ATP10B: variants seen among roughly 807,000 people sequenced by gnomAD.
The protein encoded by ATP10B is ATPase phospholipid transporting 10B (putative).
Under a neutral mutation model 141.2 loss-of-function variants are expected in ATP10B, and 122 were observed. The ratio of observed to expected loss-of-function variants is 0.86; its 90% CI spans 0.75 to 1.00. ATP10B has a LOEUF of 1.00. Among genes scored for constraint, ATP10B ranks in the 50% least tolerant of loss-of-function variants. ATP10B has a pLI of 0.00. For synonymous variants in ATP10B, 685 were observed against 692.0 expected, an observed-to-expected ratio of 0.99 and a Z score of 0.16; for missense variants, 1,876 against 1,825.3, an observed-to-expected ratio of 1.03 and a Z score of -0.51.
chr5:160,781,902 T>G (rs1368072412), intron 2 of ATP10B, among the ~76,000 whole-genome samples: 3 of 152,192 alleles, frequency 2.0e-5, no homozygotes, highest in Admixed American at 2.0e-4. Context: ...GATGGTCCAT[T>G]TACTACAACC....
At chr5:160,576,508 C>A (rs531335442) in intron 24 of ATP10B, among the ~76,000 whole-genome samples, 1 of 152,122 alleles carries the variant, frequency 6.6e-6, no homozygotes, top group Non-Finnish European at 1.5e-5. Flanking sequence ...GAGCTGGAAG[C>A]AGCATAGTGC....
chr5:160,841,400 C>A (rs1271073355), intron 1 of ATP10B, among the ~76,000 whole-genome samples: 1 of 151,940 alleles, frequency 6.6e-6, no homozygotes, highest in Non-Finnish European at 1.5e-5. Flanking sequence ...AAAGAGAAAC[C>A]CAGGAAGTCA....
At chr5:160,676,321 C>T (rs1283319172) in intron 6 of ATP10B, among the ~76,000 whole-genome samples, 2 of 152,162 alleles carry the variant, frequency 1.3e-5, no homozygotes, top group African/African-American at 2.4e-5. Flanking sequence ...CCATGGGTTA[C>T]GATTCTTCAG....
intron 2 of ATP10B, among the ~76,000 whole-genome samples, chr5:160,724,205 T>C (rs1358933290): frequency 1.3e-5 from 2 of 151,130 alleles, no homozygotes; most frequent in Non-Finnish European, 2.9e-5. Flanking sequence ...AAATAATCTG[T>C]ACCATGAACC....
intron 2 of ATP10B, among the ~76,000 whole-genome samples, chr5:160,733,124 A>T (rs1766854171): frequency 6.6e-6 from 1 of 152,174 alleles, no homozygotes; most frequent in Admixed American, 6.5e-5. Context: ...ATCTTCTGAA[A>T]TTTCTTTCAA....
chr5:160,828,375 C>T (rs1470278424), intron 1 of ATP10B, among the ~76,000 whole-genome samples: 2 of 151,976 alleles, frequency 1.3e-5, no homozygotes, highest in African/African-American at 4.8e-5. Context: ...ATAAAAACAA[C>T]CCCATCAAAA....
At chr5:160,614,695 G>C (rs1449209097) in intron 17 of ATP10B, 1 of 152,336 alleles carries the variant, frequency 6.6e-6, no homozygotes, top group African/African-American at 2.4e-5. Flanking sequence ...TCCTCAGCTT[G>C]TCAGCCATCC....
At chr5:160,746,768 C>T (rs1767833693) in intron 2 of ATP10B, among the ~76,000 whole-genome samples, 2 of 152,084 alleles carry the variant, frequency 1.3e-5, no homozygotes, top group African/African-American at 4.8e-5. Flanking sequence ...GCATCCTATA[C>T]CTCTGAATAT....
chr5:160,571,413 CT>C (rs1267425664), intron 24 of ATP10B, among the ~76,000 whole-genome samples: 2 of 152,036 alleles, frequency 1.3e-5, no homozygotes, highest in African/African-American at 4.8e-5. Context: ...TGCTAGGTTG[CT>C]TTATATAGTT....
At chr5:160,628,960 T>G (rs1176199600) in intron 13 of ATP10B, among the ~76,000 whole-genome samples, 1 of 152,070 alleles carries the variant, frequency 6.6e-6, no homozygotes, top group Non-Finnish European at 1.5e-5. Context: ...AAAAAACAGC[T>G]TTTGTTGTTG....
upstream of ATP10B, among the ~76,000 whole-genome samples, chr5:160,853,279 T>C (rs188296959): frequency 2.0e-3 from 308 of 152,192 alleles, 2 homozygotes; most frequent in African/African-American, 5.9e-3. Context: ...TTTACTTCCC[T>C]TCACTCAGAG....
At chr5:160,682,024 T>C (rs1023172325) in intron 6 of ATP10B, among the ~76,000 whole-genome samples, 1 of 152,358 alleles carries the variant, frequency 6.6e-6, no homozygotes, top group African/African-American at 2.4e-5. Flanking sequence ...CCAACTGTCA[T>C]TGGCCATTTA....
chr5:160,783,387 A>G (rs1167004856), intron 2 of ATP10B, among the ~76,000 whole-genome samples: 1 of 141,350 alleles, frequency 7.1e-6, no homozygotes, highest in Non-Finnish European at 1.5e-5. Context: ...CATCATATAT[A>G]TATATATGTG....
chr5:160,790,778 C>T (rs1449858270), intron 1 of ATP10B, among the ~76,000 whole-genome samples: 3 of 152,126 alleles, frequency 2.0e-5, no homozygotes, highest in Non-Finnish European at 4.4e-5. Context: ...GAATATGTTA[C>T]ATCACATGGC....
At chr5:160,756,338 G>T (rs1298311728) in intron 2 of ATP10B, among the ~76,000 whole-genome samples, 1 of 152,122 alleles carries the variant, frequency 6.6e-6, no homozygotes. Context: ...CTGAACGTTT[G>T]TCTATAGGTC....
chr5:160,759,973 G>A (rs1176015191), intron 2 of ATP10B, among the ~76,000 whole-genome samples: 1 of 152,194 alleles, frequency 6.6e-6, no homozygotes, highest in Non-Finnish European at 1.5e-5. Flanking sequence ...CATTACCGCA[G>A]AGGCAACGTG....
chr5:160,826,677 G>A (rs953571986), intron 1 of ATP10B, among the ~76,000 whole-genome samples: 3 of 152,128 alleles, frequency 2.0e-5, no homozygotes, highest in Non-Finnish European at 2.9e-5. Context: ...AAATGGACAT[G>A]CAAGTAGGAG....
chr5:160,708,766 T>C (rs546607228), intron 3 of ATP10B, among the ~76,000 whole-genome samples: 7 of 152,320 alleles, frequency 4.6e-5, no homozygotes, highest in African/African-American at 1.7e-4. Flanking sequence ...CTGAGACTTG[T>C]TCTACGTCAT....
chr5:160,724,193 T>C (rs1766176763), intron 2 of ATP10B, among the ~76,000 whole-genome samples: 1 of 150,248 alleles, frequency 6.7e-6, no homozygotes, highest in Non-Finnish European at 1.5e-5. Flanking sequence ...ACATGGGTAA[T>C]GAAATAATCT....
Sources: gnomAD v4.1 joint callset for allele counts (sites outside exome capture counted in the v4.1 genomes callset) on GRCh38, gnomAD v4.1.1 for gene constraint, MANE v1.5 for transcripts, NCBI Gene and HGNC (gene_info 2026-07-23, HGNC 2026-07-21) for gene names.